Variants in SSBP2 observed in about 807,000 individuals in gnomAD.
SSBP2 encodes single-stranded DNA-binding protein 2.
SSBP2 carries 17 observed loss-of-function variants against 61.8 expected under a neutral mutation model. The ratio of observed to expected loss-of-function variants is 0.28; its 90% confidence interval spans 0.19 to 0.41. The LOEUF (loss-of-function observed/expected upper bound fraction) is 0.41. Among genes scored for constraint, SSBP2 ranks in the 10% least tolerant of loss-of-function variants. The pLI is 1.00. For synonymous variants in SSBP2, 139 were observed against 141.3 expected, an observed-to-expected ratio of 0.98 and a Z score of 0.12; for missense variants, 310 against 458.7, an observed-to-expected ratio of 0.68 and a Z score of 2.96.
chr5:81,563,985 T>C lies in SSBP2; in HGVS notation c.283-50268A>G, dbSNP rs559418908. Among the ~76,000 whole-genome samples, 5 of 152,306 alleles carry C rather than the reference T, an allele frequency of 3.3e-5. No individual in the cohort carries two copies. The East Asian group carries it at 7.7e-4, about 23-fold the overall frequency. On this transcript the variant is annotated intron_variant, in intron 4 of 16. Transcript: ENST00000320672. ...AAATATTTGCAAACCATATATCTAA[T>C]ATCTAATAATGGGTTCATCCCCAAA...
chr5:81,691,997 A>C (rs1401098262), intron 1 of SSBP2, among the ~76,000 whole-genome samples: 1 of 152,196 alleles, frequency 6.6e-6, no homozygotes, highest in Non-Finnish European at 1.5e-5. Flanking sequence ...ACAGTACTGG[A>C]AGTTCCAGCT....
chr5:81,701,062 T>C (rs1017319381), intron 1 of SSBP2, among the ~76,000 whole-genome samples: 4 of 152,252 alleles, frequency 2.6e-5, no homozygotes, highest in Non-Finnish European at 5.9e-5. Flanking sequence ...TCAGTCTATC[T>C]TGGCTTTTGA....
chr5:81,706,917 T>C (rs935123248), intron 1 of SSBP2, among the ~76,000 whole-genome samples: 8 of 152,170 alleles, frequency 5.3e-5, no homozygotes, highest in African/African-American at 1.9e-4. Context: ...CACACAGACT[T>C]ACTTGAAGAG....
At chr5:81,749,098 C>T (rs1368683639) in intron 1 of SSBP2, among the ~76,000 whole-genome samples, 1 of 152,178 alleles carries the variant, frequency 6.6e-6, no homozygotes, top group African/African-American at 2.4e-5. Context: ...AAAACATCCT[C>T]CTTCAGATGT....
chr5:81,427,964 C>T (rs933100130), intron 16 of SSBP2, among the ~76,000 whole-genome samples: 3 of 152,080 alleles, frequency 2.0e-5, no homozygotes, highest in African/African-American at 7.2e-5. Context: ...GAAAAGGCAC[C>T]ATTTTGTCTT....
At chr5:81,706,797 T>TAG (rs1179590710) in intron 1 of SSBP2, among the ~76,000 whole-genome samples, 3 of 152,182 alleles carry the variant, frequency 2.0e-5, no homozygotes, top group Admixed American at 2.0e-4. Context: ...AGGTACTTGA[T>TAG]AGTCTGATTA....
chr5:81,548,567 C>G (rs930371236), intron 4 of SSBP2, among the ~76,000 whole-genome samples: 4 of 152,096 alleles, frequency 2.6e-5, no homozygotes, highest in African/African-American at 9.7e-5. Flanking sequence ...AGTGAAATGA[C>G]TCAAAAATCC....
chr5:81,695,623 G>A (rs1156814433), intron 1 of SSBP2, among the ~76,000 whole-genome samples: 2 of 151,418 alleles, frequency 1.3e-5, no homozygotes, highest in African/African-American at 4.9e-5. Context: ...CCTCAAGGGT[G>A]ACTTTTAAAT....
intron 4 of SSBP2, among the ~76,000 whole-genome samples, chr5:81,544,877 G>A (rs575022665): frequency 6.6e-5 from 10 of 152,304 alleles, no homozygotes; most frequent in Non-Finnish European, 1.5e-4. Context: ...ATAACAAGGT[G>A]CTTCCAAGTT....
chr5:81,461,010 G>A (rs1259435240), intron 10 of SSBP2, 45 bp downstream of exon 10: 31 of 1,186,546 alleles, frequency 2.6e-5, no homozygotes, highest in Non-Finnish European at 3.4e-5. Flanking sequence ...TTTGTTAAAT[G>A]TTACAAAATG....
intron 1 of SSBP2, among the ~76,000 whole-genome samples, chr5:81,657,606 G>T (rs1192324520): frequency 1.3e-5 from 2 of 152,074 alleles, no homozygotes; most frequent in African/African-American, 4.8e-5. Context: ...CTTGGAGTTG[G>T]GCCAAATATC....
At chr5:81,747,554 C>T (rs1317567878) in intron 1 of SSBP2, among the ~76,000 whole-genome samples, 1 of 151,964 alleles carries the variant, frequency 6.6e-6, no homozygotes, top group Admixed American at 6.6e-5. Context: ...TTCTGAAATA[C>T]AACTAAGCTA....
At chr5:81,447,340 A>T (rs545685844) in intron 11 of SSBP2, among the ~76,000 whole-genome samples, 18 of 152,278 alleles carry the variant, frequency 1.2e-4, no homozygotes, top group East Asian at 3.9e-4. Flanking sequence ...TTCATATTTT[A>T]AAAAAATGCA....
intron 4 of SSBP2, among the ~76,000 whole-genome samples, chr5:81,614,437 T>G (rs1458665332): frequency 6.6e-6 from 1 of 151,782 alleles, no homozygotes; most frequent in African/African-American, 2.4e-5. Flanking sequence ...TAAGTCTGCA[T>G]GCTCTTCCTC....
chr5:81,650,230 A>C, intron 2 of SSBP2, 37 bp downstream of exon 2: 1 of 1,372,002 alleles, frequency 7.3e-7, no homozygotes, highest in South Asian at 1.3e-5. Context: ...CATTTATATA[A>C]GATCAAAATG....
intron 2 of SSBP2, among the ~76,000 whole-genome samples, chr5:81,644,321 G>T (rs1481089266): frequency 6.6e-6 from 1 of 152,160 alleles, no homozygotes; most frequent in African/African-American, 2.4e-5. Flanking sequence ...TAGGAATGGT[G>T]CAAAAGGAAG....
At chr5:81,644,782 A>T (rs111255318) in intron 2 of SSBP2, among the ~76,000 whole-genome samples, 16 of 152,292 alleles carry the variant, frequency 1.1e-4, no homozygotes, top group African/African-American at 3.6e-4. Flanking sequence ...CCTACAGTAC[A>T]AGAACCCTAA....
At chr5:81,568,194 T>C (rs1773578637) in intron 4 of SSBP2, among the ~76,000 whole-genome samples, 1 of 152,204 alleles carries the variant, frequency 6.6e-6, no homozygotes, top group Admixed American at 6.5e-5. Flanking sequence ...TCTTGAATTG[T>C]ACTCCCATAA....
intron 5 of SSBP2, among the ~76,000 whole-genome samples, chr5:81,492,371 G>A (rs1258404501): frequency 1.3e-5 from 2 of 152,220 alleles, no homozygotes; most frequent in East Asian, 3.9e-4. Context: ...GGGCTTGGTG[G>A]CACACGCCTG....
Sources: gnomAD v4.1 joint callset for allele counts (sites outside exome capture counted in the v4.1 genomes callset) on GRCh38, gnomAD v4.1.1 for gene constraint, MANE v1.5 for transcripts, NCBI Gene and HGNC (gene_info 2026-07-23, HGNC 2026-07-21) for gene names.